KIF13B: variants seen among roughly 807,000 people sequenced by gnomAD.
KIF13B encodes the protein kinesin family member 13B, also known as kinesin-like protein KIF13B.
Under a neutral mutation model 222.0 loss-of-function variants are expected in KIF13B, and 127 were observed. The observed-to-expected ratio is 0.57, with a 90% CI of 0.50 to 0.66. The LOEUF (loss-of-function observed/expected upper bound fraction) is 0.66. KIF13B is among the 30% of genes least tolerant of loss of function. The pLI is 0.00. For missense variants in KIF13B, 2,173 were observed against 2,379.0 expected (o/e 0.91, Z 1.80); for synonymous variants, 976 against 919.0 (o/e 1.06, Z -1.12).
chr8:29,179,813 C>G (rs545384487), intron 8 of KIF13B, among the ~76,000 whole-genome samples: 1 of 152,288 alleles, frequency 6.6e-6, no homozygotes, highest in Admixed American at 6.5e-5. Flanking sequence ...GAGGTGTCCT[C>G]AGAGGTGTCA....
chr8:29,205,593 A>G (rs1316201829), intron 2 of KIF13B, among the ~76,000 whole-genome samples: 2 of 152,204 alleles, frequency 1.3e-5, no homozygotes, highest in Non-Finnish European at 2.9e-5. Context: ...CCCATTACAT[A>G]ATACAATCTG....
At chr8:29,181,639 A>G (rs1812717298) in intron 7 of KIF13B, among the ~76,000 whole-genome samples, 2 of 152,262 alleles carry the variant, frequency 1.3e-5, no homozygotes, top group Non-Finnish European at 2.9e-5. Context: ...ATGGGAAAAC[A>G]ACAACAAAAG....
chr8:29,147,682 T>G, intron 16 of KIF13B, 80 bp from the exon 17 acceptor site: 1 of 1,089,110 alleles, frequency 9.2e-7, no homozygotes. Context: ...ATGGTAATGT[T>G]GTCTGTCATC....
intron 2 of KIF13B, among the ~76,000 whole-genome samples, chr8:29,243,685 A>T (rs1815887027): frequency 6.6e-6 from 1 of 152,068 alleles, no homozygotes; most frequent in South Asian, 2.1e-4. Context: ...AAGAAAAAAA[A>T]GAAAAACTAC....
At chr8:29,160,659 C>T in intron 13 of KIF13B, 74 bp downstream of exon 13, 1 of 1,385,950 alleles carries the variant, frequency 7.2e-7, no homozygotes, top group Non-Finnish European at 9.7e-7. Context: ...CATGGTTCCC[C>T]AAGTTTACTA....
intron 2 of KIF13B, among the ~76,000 whole-genome samples, chr8:29,201,548 A>G (rs1384317389): frequency 3.3e-5 from 5 of 152,246 alleles, no homozygotes; most frequent in African/African-American, 9.6e-5. Flanking sequence ...ACACAAAATA[A>G]TATCAGTAGA....
intron 2 of KIF13B, among the ~76,000 whole-genome samples, chr8:29,212,915 T>C (rs1329407182): frequency 3.3e-5 from 5 of 151,368 alleles, no homozygotes. Flanking sequence ...TATTTAAGCA[T>C]GTATAATCAG....
intron 13 of KIF13B, among the ~76,000 whole-genome samples, chr8:29,157,897 C>T (rs1452553586): frequency 1.3e-5 from 2 of 151,648 alleles, no homozygotes; most frequent in Admixed American, 1.3e-4. Flanking sequence ...TCCAATAAAG[C>T]CCAAATTCTT....
chr8:29,100,678 G>A (rs1808746598), intron 35 of KIF13B, among the ~76,000 whole-genome samples: 1 of 152,150 alleles, frequency 6.6e-6, no homozygotes, highest in African/African-American at 2.4e-5. Flanking sequence ...TCGAACTCCT[G>A]ACCTCAGGTG....
intron 2 of KIF13B, among the ~76,000 whole-genome samples, chr8:29,234,484 A>G (rs1815420189): frequency 6.7e-6 from 1 of 149,632 alleles, no homozygotes; most frequent in Non-Finnish European, 1.5e-5. Flanking sequence ...ATACAGTAAA[A>G]TGGTGGTTGC....
At chr8:29,161,036 A>AT (rs577414270) in intron 12 of KIF13B, among the ~76,000 whole-genome samples, 169 bp from the exon 13 acceptor site, 31 of 152,252 alleles carry the variant, frequency 2.0e-4, no homozygotes, top group African/African-American at 7.2e-4. Flanking sequence ...AAACTATATG[A>AT]TTTTTTTGTT....
At chr8:29,126,336 T>C (rs950070304) in intron 26 of KIF13B, 146 bp downstream of exon 26, 3 of 609,536 alleles carry the variant, frequency 4.9e-6, no homozygotes, top group Non-Finnish European at 8.8e-6. Context: ...ACACTCAATG[T>C]TCCCTACTCT....
At chr8:29,164,338 C>T (rs1318685029) in intron 12 of KIF13B, among the ~76,000 whole-genome samples, 3 of 152,096 alleles carry the variant, frequency 2.0e-5, no homozygotes, top group African/African-American at 7.2e-5. Flanking sequence ...ATACAAGGAA[C>T]AGTTAAAAAC....
In KIF13B at chr8:29,109,921, G is replaced by A. The variant is rs778771257; in HGVS notation, c.4080C>T (p.Arg1360=). ...VENLLTLDRL[R]QEVAVKEQLT... ...CCTATCCATGCGGTTGGCTAACCTG[G>A]CGCAGACGATCTAAAGTCAGGAGGT... The change falls in exon 33 of 40, where the codon CGC becomes CGT. Residue 1360 remains arginine (R), a synonymous_variant. Transcript: ENST00000524189. 1.2e-6 allele frequency: 2 copies of A among 1,613,368 alleles called. No individual in the cohort carries two copies. Among genetic ancestry groups the A allele is most frequent in the African/African-American group, 1.3e-5 (1 of 75,032 alleles).
chr8:29,188,093 C>G (rs1240668471), intron 5 of KIF13B, among the ~76,000 whole-genome samples: 1 of 152,130 alleles, frequency 6.6e-6, no homozygotes, highest in Admixed American at 6.5e-5. Context: ...AACTAGTTCA[C>G]TTCAAATTTT....
intron 32 of KIF13B, among the ~76,000 whole-genome samples, chr8:29,113,164 T>G (rs930924301): frequency 2.0e-5 from 3 of 152,240 alleles, no homozygotes; most frequent in Non-Finnish European, 4.4e-5. Flanking sequence ...AACTGGAATC[T>G]CTATGCTACG....
intron 2 of KIF13B, 63 bp from the exon 3 acceptor site, chr8:29,196,262 T>C (rs1813418146): frequency 6.7e-6 from 8 of 1,186,896 alleles, no homozygotes; most frequent in Non-Finnish European, 9.5e-6. Flanking sequence ...AAAAAAAAAT[T>C]TAGTTTAGAA....
chr8:29,126,657 A>C lies in KIF13B; in HGVS notation c.3223-146T>G, dbSNP rs180851274. ...TCATCTCCCACCTACCCACACCCTC[A>C]CTCTGGGTTTTACAGTTGTCAGGAA... On this transcript the variant is annotated intron_variant, in intron 25 of 39. Coordinates refer to ENST00000524189, the MANE Select transcript of KIF13B (RefSeq NM_015254.4). 740 of 638,460 alleles carry C rather than the reference A, an allele frequency of 1.2e-3. 3 individuals are homozygous for C. In the African/African-American group the frequency reaches 0.012, roughly 10 times the overall value. The allele number at this position is 638,460 out of a possible 1,614,324, so 39.5% of individuals were successfully genotyped here. A position where few individuals can be genotyped will look rare whatever the true frequency, so the allele number is the denominator to read the frequency against.
At chr8:29,142,993 C>T (rs900901709) in intron 18 of KIF13B, among the ~76,000 whole-genome samples, 10 of 152,092 alleles carry the variant, frequency 6.6e-5, no homozygotes, top group Admixed American at 2.6e-4. Flanking sequence ...GTTAGGACCA[C>T]AGGTGCATGC....
Sources: gnomAD v4.1 joint callset for allele counts (sites outside exome capture counted in the v4.1 genomes callset) on GRCh38, gnomAD v4.1.1 for gene constraint, MANE v1.5 for transcripts, NCBI Gene and HGNC (gene_info 2026-07-23, HGNC 2026-07-21) for gene names.